The following GFRAL variants were observed in gnomAD, a reference collection of about 807,000 sequenced individuals.
GFRAL encodes the protein GDNF family receptor alpha like, also known as GDNF family receptor alpha-like.
GFRAL carries 36 observed loss-of-function variants against 45.4 expected under a neutral mutation model. That is an observed-to-expected ratio of 0.79 (90% confidence interval 0.61 to 1.05). GFRAL has a LOEUF of 1.05. Among genes scored for constraint, GFRAL ranks in the 50% least tolerant of loss-of-function variants. The pLI is 0.00. For synonymous variants in GFRAL, 166 were observed against 154.1 expected (o/e 1.08, Z -0.57); for missense variants, 507 against 467.5 (o/e 1.08, Z -0.78).
intron 1 of GFRAL, among the ~76,000 whole-genome samples, chr6:55,331,220 C>G (rs1767824432): frequency 1.3e-5 from 2 of 151,978 alleles, no homozygotes; most frequent in Admixed American, 1.3e-4. Flanking sequence ...AGAACCTAAG[C>G]TAAAATTATA....
At chr6:55,340,676 G>A (rs190915337) in intron 3 of GFRAL, among the ~76,000 whole-genome samples, 11 of 152,162 alleles carry the variant, frequency 7.2e-5, no homozygotes, top group Admixed American at 2.0e-4. Context: ...GACAGTGGGG[G>A]CAGGATAGTG....
chr6:55,354,534 A>G (rs140331657), intron 5 of GFRAL, among the ~76,000 whole-genome samples: 2 of 152,008 alleles, frequency 1.3e-5, no homozygotes, highest in Non-Finnish European at 2.9e-5. Context: ...CTATGTGCAA[A>G]TAGTCCCTTA....
chr6:55,363,570 G>A (rs10456710), intron 6 of GFRAL, among the ~76,000 whole-genome samples: 70,477 of 135,718 alleles, frequency 0.52, 18,705 homozygotes, highest in South Asian at 0.62. Context: ...TATATCTCCC[G>A]ATGCTATCCC....
intron 3 of GFRAL, among the ~76,000 whole-genome samples, chr6:55,341,964 G>C (rs1581902108): frequency 1.3e-5 from 2 of 151,968 alleles, no homozygotes; most frequent in East Asian, 3.9e-4. Context: ...GAGAAGAGAA[G>C]TTTAGAGAAA....
chr6:55,386,484 G>T (rs1463060545), intron 6 of GFRAL, among the ~76,000 whole-genome samples: 3 of 152,102 alleles, frequency 2.0e-5, no homozygotes, highest in African/African-American at 7.2e-5. Flanking sequence ...CTATGTTTTT[G>T]TAAGTATATG....
At chr6:55,341,943 TGAAAG>T (rs61474073) in intron 3 of GFRAL, among the ~76,000 whole-genome samples, 2,640 of 151,446 alleles carry the variant, frequency 0.017, 72 homozygotes, top group African/African-American at 0.061. Context: ...ATTAAACAAA[TGAAAG>T]GAAGCGAGAA....
intron 6 of GFRAL, among the ~76,000 whole-genome samples, chr6:55,373,558 C>A (rs1240271473): frequency 3.3e-5 from 5 of 152,074 alleles, no homozygotes; most frequent in Non-Finnish European, 7.4e-5. Flanking sequence ...CCAAGTTTGC[C>A]TTATTTCTTT....
intron 6 of GFRAL, among the ~76,000 whole-genome samples, chr6:55,365,222 T>G: frequency 7.3e-6 from 1 of 136,564 alleles, no homozygotes; most frequent in African/African-American, 3.0e-5. Context: ...GAGTTCACTC[T>G]TGATTTGGCT....
At chr6:55,385,432 A>T (rs1325266810) in intron 6 of GFRAL, among the ~76,000 whole-genome samples, 1 of 152,118 alleles carries the variant, frequency 6.6e-6, no homozygotes, top group African/African-American at 2.4e-5. Context: ...GCTATGTGTC[A>T]GACATTGTTC....
chr6:55,346,628 G>T (rs1298942996), intron 3 of GFRAL, among the ~76,000 whole-genome samples: 1 of 151,924 alleles, frequency 6.6e-6, no homozygotes, highest in Non-Finnish European at 1.5e-5. Context: ...CCAACATGGC[G>T]CATGTATACA....
At chr6:55,349,241 A>G (rs571150054) in intron 3 of GFRAL, among the ~76,000 whole-genome samples, 4 of 152,290 alleles carry the variant, frequency 2.6e-5, no homozygotes, top group African/African-American at 9.6e-5. Flanking sequence ...TGTGCACTAG[A>G]CTAGCAGGCA....
Position 55,343,504 on chromosome 6 carries a change from A to C in GFRAL, c.317-6588A>C, listed in dbSNP as rs1169587490. Among the ~76,000 whole-genome samples, 3 of 152,208 alleles carry C rather than the reference A, an allele frequency of 2.0e-5. No homozygotes were observed. In the East Asian group the frequency reaches 5.8e-4, roughly 29 times the overall value. ...TGAGAACAAAGTCACAACATACCAG[A>C]ATCTCTAGGACACATTTAAAGCAGT... On this transcript the variant is annotated intron_variant, in intron 3 of 8. Transcript: ENST00000340465.
chr6:55,350,182 A>C (rs1768097718), intron 4 of GFRAL, 37 bp downstream of exon 4: 2 of 1,190,316 alleles, frequency 1.7e-6, no homozygotes, highest in African/African-American at 3.0e-5. Flanking sequence ...TCTGCATTGC[A>C]AATACCTGAT....
At chr6:55,371,109 T>C (rs139334034) in intron 6 of GFRAL, among the ~76,000 whole-genome samples, 8 of 152,348 alleles carry the variant, frequency 5.3e-5, no homozygotes, top group East Asian at 1.9e-4. Flanking sequence ...TGTCTTATAA[T>C]AAATTTTTGT....
At chr6:55,359,469 T>C (rs984090826) in intron 6 of GFRAL, among the ~76,000 whole-genome samples, 5 of 151,990 alleles carry the variant, frequency 3.3e-5, no homozygotes, top group African/African-American at 1.2e-4. Flanking sequence ...ACCATAAGTA[T>C]CTATACTAAG....
chr6:55,378,288 T>C (rs1340130158), intron 6 of GFRAL, among the ~76,000 whole-genome samples: 1 of 152,088 alleles, frequency 6.6e-6, no homozygotes, highest in African/African-American at 2.4e-5. Flanking sequence ...GGCAAATTCA[T>C]ATCCAAAGTA....
chr6:55,338,304 G>T (rs1475118985), intron 3 of GFRAL, among the ~76,000 whole-genome samples: 2 of 152,050 alleles, frequency 1.3e-5, no homozygotes, highest in Non-Finnish European at 2.9e-5. Context: ...TGTCCAGGCT[G>T]GTCTTGAGCT....
intron 1 of GFRAL, among the ~76,000 whole-genome samples, chr6:55,331,383 G>A (rs1273834121): frequency 6.6e-6 from 1 of 152,032 alleles, no homozygotes; most frequent in African/African-American, 2.4e-5. Context: ...GTGAGATAAA[G>A]TTTAAAACCA....
At chr6:55,340,384 G>A (rs151183017) in intron 3 of GFRAL, among the ~76,000 whole-genome samples, 36 of 152,120 alleles carry the variant, frequency 2.4e-4, no homozygotes, top group African/African-American at 8.4e-4. Context: ...AATACCTGAC[G>A]CTTAGCAAAT....
Sources: gnomAD v4.1 joint callset for allele counts (sites outside exome capture counted in the v4.1 genomes callset) on GRCh38, gnomAD v4.1.1 for gene constraint, MANE v1.5 for transcripts, NCBI Gene and HGNC (gene_info 2026-07-23, HGNC 2026-07-21) for gene names.